The following FNIP1 variants were observed in gnomAD, a reference collection of about 807,000 sequenced individuals.
FNIP1 encodes the protein folliculin interacting protein 1, also known as folliculin-interacting protein 1.
A neutral mutation model predicts 124.5 loss-of-function variants in FNIP1; 40 were observed. That is an observed-to-expected ratio of 0.32 (90% CI 0.25 to 0.42). The LOEUF is 0.42. FNIP1 is among the 10% of genes least tolerant of loss of function. The probability of loss-of-function intolerance (pLI) is 1.00; values close to 1 mark genes in which losing one functional copy is unlikely to be tolerated. For missense variants in FNIP1, 1,176 were observed against 1,403.7 expected, an observed-to-expected ratio of 0.84 and a Z score of 2.59; for synonymous variants, 472 against 470.6, an observed-to-expected ratio of 1.00 and a Z score of -0.04.
At chr5:131,667,189 C>T (rs908224956) in intron 15 of FNIP1, among the ~76,000 whole-genome samples, 1 of 152,214 alleles carries the variant, frequency 6.6e-6, no homozygotes, top group African/African-American at 2.4e-5. Context: ...TTTATTCATA[C>T]ACTTGGCCTT....
chr5:131,781,498 A>G (rs2149584310), intron 1 of FNIP1, among the ~76,000 whole-genome samples: 2 of 152,342 alleles, frequency 1.3e-5, no homozygotes, highest in South Asian at 4.1e-4. Flanking sequence ...TTGAAGCCAA[A>G]GCTCATTTGC....
chr5:131,700,212 G>A (rs1470412467), intron 10 of FNIP1, among the ~76,000 whole-genome samples: 1 of 151,998 alleles, frequency 6.6e-6, no homozygotes, highest in Non-Finnish European at 1.5e-5. Context: ...TCGATCTCTT[G>A]ACCTTGTGAT....
intron 11 of FNIP1, among the ~76,000 whole-genome samples, chr5:131,684,977 T>C (rs1023442517): frequency 2.0e-5 from 3 of 152,198 alleles, no homozygotes; most frequent in Admixed American, 1.3e-4. Flanking sequence ...AAAAGAACTA[T>C]TGAAAACATA....
At chr5:131,716,339 G>A (rs1580780097) in intron 6 of FNIP1, among the ~76,000 whole-genome samples, 1 of 152,060 alleles carries the variant, frequency 6.6e-6, no homozygotes, top group East Asian at 1.9e-4. Flanking sequence ...TATATCTACA[G>A]CAGTACTCTT....
chr5:131,705,319 A>C (rs559731973), intron 9 of FNIP1, among the ~76,000 whole-genome samples: 1 of 151,992 alleles, frequency 6.6e-6, no homozygotes, highest in Middle Eastern at 3.4e-3. Flanking sequence ...AAAAGAAAAA[A>C]AAAAAATTAG....
At chr5:131,707,557 G>A (rs1225688843) in intron 8 of FNIP1, among the ~76,000 whole-genome samples, 2 of 152,084 alleles carry the variant, frequency 1.3e-5, no homozygotes, top group African/African-American at 4.8e-5. Context: ...CAAACATGTA[G>A]ACCATCAATG....
intron 16 of FNIP1, among the ~76,000 whole-genome samples, chr5:131,647,537 G>A (rs1182788955): frequency 6.6e-6 from 1 of 151,746 alleles, no homozygotes; most frequent in Non-Finnish European, 1.5e-5. Flanking sequence ...TGCAAAGCGC[G>A]ACCACAGCTC....
intron 16 of FNIP1, among the ~76,000 whole-genome samples, chr5:131,649,559 C>T (rs1766985889): frequency 6.6e-6 from 1 of 151,990 alleles, no homozygotes; most frequent in South Asian, 2.1e-4. Context: ...GTATCAATCC[C>T]TTTTGAGATA....
intron 1 of FNIP1, among the ~76,000 whole-genome samples, chr5:131,767,427 C>CAAAAAAA (rs139550903): frequency 6.9e-4 from 44 of 64,008 alleles, no homozygotes; most frequent in African/African-American, 2.0e-3. Context: ...GATTCTGTCT[C>CAAAAAAA]AAAAAAAAAA....
At chr5:131,673,103 A>G (rs188304461) in intron 13 of FNIP1, among the ~76,000 whole-genome samples, 179 bp from the exon 14 acceptor site, 35 of 150,102 alleles carry the variant, frequency 2.3e-4, no homozygotes, top group African/African-American at 7.6e-4. Flanking sequence ...GCTGGAGTGC[A>G]GTGGTACAAT....
Position 131,671,587 on chromosome 5 carries a change from G to T in FNIP1, c.2857C>A (p.His953Asn). 1 of 1,613,738 alleles carries T rather than the reference G, an allele frequency of 6.2e-7. No homozygotes were observed. Among genetic ancestry groups the T allele is most frequent in the South Asian group, 1.1e-5 (1 of 91,064 alleles). Residue 953 changes from histidine to asparagine, a missense_variant, in exon 14 of 18, where the codon CAT becomes AAT. By Grantham distance (68) the His-to-Asn change is moderately conservative. Coordinates refer to ENST00000510461, the MANE Select transcript of FNIP1 (RefSeq NM_133372.3). Reference protein sequence around the residue: ...LGDSESEDTGHDMTRQVSSYY... With the variant: ...LGDSESEDTGNDMTRQVSSYY... ...CTGCTAACTTGTCTAGTCATATCAT[G>T]ACCTGTATCTTCACTTTCACTATCC...
At chr5:131,733,591 T>A (rs1770178721) in intron 2 of FNIP1, among the ~76,000 whole-genome samples, 1 of 152,194 alleles carries the variant, frequency 6.6e-6, no homozygotes, top group African/African-American at 2.4e-5. Flanking sequence ...GATAATCACG[T>A]GGTTTTTGTC....
intron 15 of FNIP1, among the ~76,000 whole-genome samples, chr5:131,662,037 T>C (rs1767456508): frequency 6.6e-6 from 1 of 152,194 alleles, no homozygotes; most frequent in African/African-American, 2.4e-5. Context: ...GTGGGGATAC[T>C]CTCTCTTGGT....
At chr5:131,750,066 G>C (rs558821438) in intron 1 of FNIP1, among the ~76,000 whole-genome samples, 1 of 152,260 alleles carries the variant, frequency 6.6e-6, no homozygotes, top group East Asian at 1.9e-4. Flanking sequence ...CGATGTACTG[G>C]CTGCAAACTA....
At chr5:131,679,760 C>A (rs569679582) in intron 11 of FNIP1, among the ~76,000 whole-genome samples, 1 of 152,318 alleles carries the variant, frequency 6.6e-6, no homozygotes, top group South Asian at 2.1e-4. Flanking sequence ...AAGATTATCA[C>A]ACAATTAGCA....
At chr5:131,731,440 C>T (rs1770088170) in intron 2 of FNIP1, among the ~76,000 whole-genome samples, 1 of 152,010 alleles carries the variant, frequency 6.6e-6, no homozygotes. Context: ...GATCACTTGA[C>T]ACCAGGAGTT....
At chr5:131,679,674 G>A (rs1340418032) in intron 11 of FNIP1, among the ~76,000 whole-genome samples, 4 of 152,110 alleles carry the variant, frequency 2.6e-5, no homozygotes, top group South Asian at 2.1e-4. Context: ...TAAGGACAGC[G>A]AGAACAGTAT....
At chr5:131,739,295 G>A (rs187457252) in intron 2 of FNIP1, among the ~76,000 whole-genome samples, 11 of 152,306 alleles carry the variant, frequency 7.2e-5, no homozygotes, top group African/African-American at 2.6e-4. Flanking sequence ...GAGCCCAAGA[G>A]TTTGAGACCA....
At chr5:131,648,684 G>C (rs191179499) in intron 16 of FNIP1, among the ~76,000 whole-genome samples, 13 of 151,958 alleles carry the variant, frequency 8.6e-5, no homozygotes, top group Admixed American at 8.5e-4. Context: ...TAATTATATA[G>C]TCCTAAGAGC....
Sources: gnomAD v4.1 joint callset for allele counts (sites outside exome capture counted in the v4.1 genomes callset) on GRCh38, gnomAD v4.1.1 for gene constraint, MANE v1.5 for transcripts, NCBI Gene and HGNC (gene_info 2026-07-23, HGNC 2026-07-21) for gene names.